ANGPT2: variants seen among roughly 807,000 people sequenced by gnomAD.
ANGPT2 encodes angiopoietin 2.
In ANGPT2, 28 loss-of-function variants were observed where a neutral mutation model predicts 62.9. The ratio of observed to expected loss-of-function variants is 0.44; its 90% confidence interval spans 0.33 to 0.61. ANGPT2 has a LOEUF of 0.61. Among genes scored for constraint, ANGPT2 ranks in the 20% least tolerant of loss-of-function variants. The pLI, the probability that ANGPT2 is intolerant of heterozygous loss-of-function variation, is 0.03. For missense variants in ANGPT2, 727 were observed against 594.9 expected, an observed-to-expected ratio of 1.22 and a Z score of -2.31; for synonymous variants, 284 against 207.8, an observed-to-expected ratio of 1.37 and a Z score of -3.15.
chr8:6,514,814 C>G (rs1179212171), intron 5 of ANGPT2, 36 bp from the exon 6 acceptor site: 4 of 1,550,800 alleles, frequency 2.6e-6, no homozygotes, highest in Non-Finnish European at 1.8e-6. Context: ...GTGACAGAGC[C>G]CCCCCACTCC....
intron 6 of ANGPT2, 52 bp downstream of exon 6, chr8:6,514,625 G>T: frequency 6.7e-7 from 1 of 1,499,846 alleles, no homozygotes; most frequent in Non-Finnish European, 9.3e-7. Context: ...GATCTTGAAA[G>T]CTATTTTTCA....
At chr8:6,516,225 C>G (rs1816238957) in intron 5 of ANGPT2, among the ~76,000 whole-genome samples, 1 of 152,196 alleles carries the variant, frequency 6.6e-6, no homozygotes, top group Admixed American at 6.5e-5. Flanking sequence ...CTCTGTATTG[C>G]TATGATTTTT....
chr8:6,563,027 C>T lies in ANGPT2; in HGVS notation c.-93G>A. ...TGCTGCCGTCTAAAACGCAGGGCTG[C>T]TACGCTGCCATGGCTGGGTCCGTCA... On this transcript the variant is annotated 5_prime_UTR_variant, in exon 1 of 9. The change abolishes the stop of an existing upstream ORF in the 5' untranslated region. Transcript: ENST00000629816. 1 of 1,383,238 alleles carries T rather than the reference C, an allele frequency of 7.2e-7. No individual in the cohort carries two copies. The highest frequency in any genetic ancestry group is 9.7e-7 in the Non-Finnish European group (1 of 1,026,956). 85.7% of individuals were successfully genotyped at this position (1,383,238 alleles called of 1,614,324 possible).
intron 4 of ANGPT2, among the ~76,000 whole-genome samples, chr8:6,520,877 A>G (rs1054929521): frequency 2.0e-5 from 3 of 152,214 alleles, no homozygotes; most frequent in African/African-American, 7.2e-5. Flanking sequence ...ACCTAAATAA[A>G]TGAATATCGG....
intron 1 of ANGPT2, among the ~76,000 whole-genome samples, chr8:6,550,405 G>T (rs536926902): frequency 6.6e-6 from 1 of 152,330 alleles, no homozygotes; most frequent in African/African-American, 2.4e-5. Context: ...CGGTGACCCC[G>T]TCTCTACAGC....
chr8:6,553,013 T>G (rs1044453737), intron 1 of ANGPT2, among the ~76,000 whole-genome samples: 1 of 152,186 alleles, frequency 6.6e-6, no homozygotes, highest in Non-Finnish European at 1.5e-5. Context: ...AGCTGCTCTG[T>G]GTGATGCTAC....
At chr8:6,522,375 G>A (rs1337934914) in intron 3 of ANGPT2, among the ~76,000 whole-genome samples, 3 of 149,876 alleles carry the variant, frequency 2.0e-5, no homozygotes, top group Non-Finnish European at 3.0e-5. Flanking sequence ...AAAAAAAAAT[G>A]TAAACGCTTA....
At chr8:6,547,640 C>G (rs1045235315) in intron 1 of ANGPT2, among the ~76,000 whole-genome samples, 6 of 152,104 alleles carry the variant, frequency 3.9e-5, no homozygotes, top group African/African-American at 1.4e-4. Context: ...TCCTATCAAA[C>G]AGTGAGTGCC....
intron 1 of ANGPT2, among the ~76,000 whole-genome samples, chr8:6,561,593 G>C (rs193148976): frequency 6.6e-6 from 1 of 152,208 alleles, no homozygotes; most frequent in Admixed American, 6.5e-5. Flanking sequence ...ACTTTTAAAA[G>C]ACTTTACATA....
chr8:6,562,753 A>C lies in ANGPT2; in HGVS notation c.182T>G (p.Val61Gly), dbSNP rs1563132570. 5 of 1,613,878 alleles carry C rather than the reference A, an allele frequency of 3.1e-6. No homozygotes were observed. The highest frequency in any genetic ancestry group is 4.2e-6 in the Non-Finnish European group (5 of 1,179,970). ...CGCGTCCCTCTGCACAGCATTGGACACGTAGGGGCTGGAGGAAGAGCGGCA... is the reference window on the plus strand; with the variant it reads ...CGCGTCCCTCTGCACAGCATTGGACCCGTAGGGGCTGGAGGAAGAGCGGCA... ...DNCRSSSSPY[V>G]SNAVQRDAPL... The change falls in exon 1 of 9, where the codon GTG becomes GGG. Residue 61 changes from valine (V) to glycine (G), a missense_variant. Val to Gly is a moderately radical substitution (Grantham distance 109, BLOSUM62 -3). Transcript: ENST00000629816.
intron 5 of ANGPT2, among the ~76,000 whole-genome samples, chr8:6,517,063 A>G (rs1388794904): frequency 1.3e-5 from 2 of 152,232 alleles, no homozygotes; most frequent in Non-Finnish European, 2.9e-5. Flanking sequence ...ATTGGACTAT[A>G]AAACTTGCAG....
intron 7 of ANGPT2, among the ~76,000 whole-genome samples, chr8:6,510,344 G>C (rs1814792064): frequency 1.3e-5 from 2 of 152,158 alleles, no homozygotes; most frequent in Admixed American, 1.3e-4. Context: ...AGCCTACAAA[G>C]CAAATCCTGC....
chr8:6,503,326 C>G, intron 8 of ANGPT2, 65 bp from the exon 9 acceptor site: 1 of 1,567,426 alleles, frequency 6.4e-7, no homozygotes, highest in Non-Finnish European at 8.7e-7. Context: ...ACGAAGACAG[C>G]AATACTCAGC....
chr8:6,558,564 A>G (rs1189869122), intron 1 of ANGPT2, among the ~76,000 whole-genome samples: 1 of 152,200 alleles, frequency 6.6e-6, no homozygotes, highest in Non-Finnish European at 1.5e-5. Flanking sequence ...AAACTTGTGG[A>G]TTACAACCTG....
intron 5 of ANGPT2, among the ~76,000 whole-genome samples, chr8:6,516,605 A>G (rs1185958505): frequency 2.0e-5 from 3 of 152,194 alleles, no homozygotes. Flanking sequence ...GCTCACTTCT[A>G]TCAATATTTC....
chr8:6,557,275 C>T (rs951897603), intron 1 of ANGPT2, among the ~76,000 whole-genome samples: 10 of 152,004 alleles, frequency 6.6e-5, no homozygotes, highest in African/African-American at 2.2e-4. Context: ...TAGCATGCCC[C>T]GTGTTTATAA....
intron 1 of ANGPT2, among the ~76,000 whole-genome samples, chr8:6,539,136 G>C (rs1821046418): frequency 6.6e-6 from 1 of 152,244 alleles, no homozygotes; most frequent in Admixed American, 6.5e-5. Context: ...GAAGGGCTGG[G>C]AGATGCGGAT....
chr8:6,530,378 C>T (rs965838138), intron 2 of ANGPT2, among the ~76,000 whole-genome samples: 1 of 151,924 alleles, frequency 6.6e-6, no homozygotes, highest in Admixed American at 6.6e-5. Flanking sequence ...GTGTGGTAGC[C>T]TGCACCTGTA....
intron 2 of ANGPT2, among the ~76,000 whole-genome samples, chr8:6,529,555 ACTT>A (rs1367237875): frequency 4.0e-5 from 6 of 148,642 alleles, no homozygotes; most frequent in Admixed American, 1.3e-4. Flanking sequence ...AGGCTTAAGC[ACTT>A]CTTGTAACCT....
Sources: allele counts gnomAD v4.1 joint callset (sites outside exome capture counted in the v4.1 genomes callset), GRCh38; gene constraint gnomAD v4.1.1; transcripts MANE v1.5; gene names NCBI Gene and HGNC (gene_info 2026-07-23, HGNC 2026-07-21).